The following TEK variants were observed in gnomAD, a reference collection of about 807,000 sequenced individuals.
The protein encoded by TEK is TEK receptor tyrosine kinase, also known as angiopoietin-1 receptor.
In TEK, 43 loss-of-function variants were observed where a neutral mutation model predicts 131.8. The observed-to-expected ratio is 0.33, with a 90% CI of 0.26 to 0.42. The LOEUF (loss-of-function observed/expected upper bound fraction) is 0.42. TEK is among the 10% of genes least tolerant of loss of function. The probability of loss-of-function intolerance (pLI) is 1.00; values close to 1 mark genes in which losing one functional copy is unlikely to be tolerated. For synonymous variants in TEK, 580 were observed against 491.6 expected (o/e 1.18, Z -2.38); for missense variants, 1,162 against 1,384.4 (o/e 0.84, Z 2.55).
intron 2 of TEK, among the ~76,000 whole-genome samples, chr9:27,164,479 C>T (rs1269971193): frequency 6.6e-6 from 1 of 151,978 alleles, no homozygotes; most frequent in African/African-American, 2.4e-5. Flanking sequence ...GCTACCACGC[C>T]CGGCTAATTT....
chr9:27,219,547 A>AAAACCTAGATGATGGGTCG (rs1825966780), intron 20 of TEK, among the ~76,000 whole-genome samples: 1 of 152,174 alleles, frequency 6.6e-6, no homozygotes, highest in African/African-American at 2.4e-5. Context: ...TGTGGGGCTT[A>AAAACCTAGATGATGGGTCG]AAACCTAGAT....
At chr9:27,167,528 T>G (rs1249063230) in intron 2 of TEK, among the ~76,000 whole-genome samples, 1 of 152,178 alleles carries the variant, frequency 6.6e-6, no homozygotes, top group Admixed American at 6.5e-5. Context: ...GTGCCTGGCC[T>G]TGGCTTATGA....
intron 17 of TEK, 72 bp from the exon 18 acceptor site, chr9:27,213,412 C>G: frequency 9.1e-7 from 1 of 1,101,842 alleles, no homozygotes; most frequent in Non-Finnish European, 1.4e-6. Context: ...TGTTTTCTTT[C>G]CTGTTCCCCA....
chr9:27,210,100 T>G (rs189289690), intron 16 of TEK, among the ~76,000 whole-genome samples: 1 of 152,340 alleles, frequency 6.6e-6, no homozygotes, highest in East Asian at 1.9e-4. Context: ...CTAAAAATAC[T>G]GGTGCTTCAA....
chr9:27,179,105 C>T (rs1161470752), intron 6 of TEK, among the ~76,000 whole-genome samples: 2 of 152,124 alleles, frequency 1.3e-5, no homozygotes, highest in South Asian at 4.1e-4. Flanking sequence ...TGTTTTGTCT[C>T]TTGGGTCCCT....
rs1166371609 is a variant in TEK, at chr9:27,202,913, C to A, written c.2003C>A (p.Ser668Tyr). 1.2e-6 allele frequency: 2 copies of A among 1,614,042 alleles called. No homozygotes were observed. The highest frequency in any genetic ancestry group is 1.7e-6 in the Non-Finnish European group (2 of 1,180,014). ...ACAATATTGGATGGCTATTCTATTT[C>A]TTCTATTACTATCCGTTACAAGGTT... ...SWTILDGYSI[S>Y]SITIRYKVQG... The change falls in exon 13 of 23, where the codon TCT becomes TAT. Residue 668 changes from serine (S) to tyrosine (Y), a missense_variant. By Grantham distance (144) the Ser-to-Tyr change is moderately radical. Coordinates refer to ENST00000380036, the MANE Select transcript of TEK (RefSeq NM_000459.5).
chr9:27,169,715 G>C (rs181674674), intron 4 of TEK, 86 bp downstream of exon 4: 1 of 1,582,978 alleles, frequency 6.3e-7, no homozygotes, highest in African/African-American at 1.3e-5. Context: ...AACTAACCAT[G>C]GCTTCTTAAG....
chr9:27,173,598 C>G (rs1824045663), intron 6 of TEK, among the ~76,000 whole-genome samples: 1 of 152,092 alleles, frequency 6.6e-6, no homozygotes, highest in South Asian at 2.1e-4. Flanking sequence ...TTTACTAAAG[C>G]ACGGATTCTG....
chr9:27,185,377 T>G (rs947422015), intron 8 of TEK, 108 bp from the exon 9 acceptor site: 14 of 1,352,904 alleles, frequency 1.0e-5, no homozygotes, highest in African/African-American at 1.4e-5. Flanking sequence ...AGCTTCTTGA[T>G]CTCTCCTAGG....
At chr9:27,144,010 G>T (rs763347964) in intron 1 of TEK, among the ~76,000 whole-genome samples, 1 of 152,346 alleles carries the variant, frequency 6.6e-6, no homozygotes, top group African/African-American at 2.4e-5. Context: ...GAGGTTGGGC[G>T]CGGTGGCTTA....
intron 1 of TEK, among the ~76,000 whole-genome samples, chr9:27,119,697 G>A (rs1198230535): frequency 6.6e-6 from 1 of 152,194 alleles, no homozygotes; most frequent in Non-Finnish European, 1.5e-5. Flanking sequence ...CCAGCCCCCA[G>A]TTTCCTCTCA....
chr9:27,123,896 C>T (rs1821891950), intron 1 of TEK, among the ~76,000 whole-genome samples: 2 of 152,222 alleles, frequency 1.3e-5, no homozygotes, highest in South Asian at 4.1e-4. Context: ...CCTGCCTCAC[C>T]CTCCTGAGTA....
chr9:27,202,702 C>T, intron 12 of TEK, 118 bp from the exon 13 acceptor site: 1 of 1,065,990 alleles, frequency 9.4e-7, no homozygotes, highest in Non-Finnish European at 1.4e-6. Context: ...ATTGGGGTAC[C>T]ATATGAGAAA....
rs113724109 is a variant in TEK, at chr9:27,161,530, A to G, written c.364+3388A>G. 1.9e-3 allele frequency among the ~76,000 whole-genome samples: 285 copies of G among 152,360 alleles called. 2 individuals carry two copies. Among genetic ancestry groups the G allele is most frequent in the African/African-American group, 5.9e-3 (246 of 41,590 alleles). ...GCAGCTTGTAAATGGTGGGAATGGC[A>G]TTTGATGCCGAGTGATCTGACTTCA... On this transcript the variant is annotated intron_variant, in intron 2 of 22. Coordinates refer to ENST00000380036, the MANE Select transcript of TEK (RefSeq NM_000459.5).
chr9:27,153,403 T>C (rs571761139), intron 1 of TEK, among the ~76,000 whole-genome samples: 1 of 152,208 alleles, frequency 6.6e-6, no homozygotes, highest in Non-Finnish European at 1.5e-5. Flanking sequence ...TGAGCCCAGA[T>C]CGCACCATTG....
intron 1 of TEK, among the ~76,000 whole-genome samples, chr9:27,114,232 A>G (rs1387023089): frequency 6.6e-6 from 1 of 152,254 alleles, no homozygotes; most frequent in Non-Finnish European, 1.5e-5. Context: ...CGGAGCTGAA[A>G]GGAAAAGAGA....
intron 16 of TEK, among the ~76,000 whole-genome samples, chr9:27,211,191 A>ATATATGTG (rs1554701100): frequency 7.0e-6 from 1 of 143,334 alleles, no homozygotes; most frequent in African/African-American, 2.6e-5. Context: ...ATATGAATAT[A>ATATATGTG]TGTATATATA....
chr9:27,151,175 G>A (rs548747260), intron 1 of TEK, among the ~76,000 whole-genome samples: 19 of 152,282 alleles, frequency 1.2e-4, no homozygotes, highest in African/African-American at 4.6e-4. Context: ...GAATCTTGAG[G>A]AAGAAGTTAT....
chr9:27,128,873 T>C (rs1265322329), intron 1 of TEK, among the ~76,000 whole-genome samples: 3 of 152,196 alleles, frequency 2.0e-5, no homozygotes, highest in Non-Finnish European at 2.9e-5. Context: ...TGAGGAGATT[T>C]TGGGCTGAGA....
Sources: allele counts gnomAD v4.1 joint callset (sites outside exome capture counted in the v4.1 genomes callset), GRCh38; gene constraint gnomAD v4.1.1; transcripts MANE v1.5; gene names NCBI Gene and HGNC (gene_info 2026-07-23, HGNC 2026-07-21).